CCNT2: variants seen among roughly 807,000 people sequenced by gnomAD.
CCNT2 encodes cyclin-T2.
In CCNT2, 18 loss-of-function variants were observed where a neutral mutation model predicts 70.0. That is an observed-to-expected ratio of 0.26 (90% CI 0.18 to 0.38). CCNT2 has a LOEUF of 0.38. Among genes scored for constraint, CCNT2 ranks in the 10% least tolerant of loss-of-function variants. CCNT2 has a pLI of 1.00. For synonymous variants in CCNT2, 334 were observed against 313.3 expected, an observed-to-expected ratio of 1.07 and a Z score of -0.70; for missense variants, 734 against 890.2, an observed-to-expected ratio of 0.82 and a Z score of 2.23.
At chr2:134,943,483 G>T in intron 5 of CCNT2, 12 of 984,950 alleles carry the variant, frequency 1.2e-5, no homozygotes, top group Non-Finnish European at 1.4e-5. Context: ...TGTATTTTTC[G>T]AGGGTCTTTG....
At chr2:134,943,286 A>G (rs1240480037) in intron 5 of CCNT2, 1 of 387,446 alleles carries the variant, frequency 2.6e-6, no homozygotes, top group Non-Finnish European at 3.5e-6. Context: ...ATGTAGTCTC[A>G]ACTATTCAGG....
At chr2:134,945,736 A>G (rs1376008688) in intron 5 of CCNT2, 6 of 1,295,304 alleles carry the variant, frequency 4.6e-6, no homozygotes, top group Non-Finnish European at 6.0e-6. Flanking sequence ...TGTATTTTGT[A>G]TTAGACTTCA....
intron 5 of CCNT2, chr2:134,944,595 T>C (rs1681812710): frequency 1.0e-6 from 1 of 975,796 alleles, no homozygotes; most frequent in African/African-American, 1.8e-5. Flanking sequence ...AAAACAAATA[T>C]TTAGACCAGA....
At chr2:134,947,328 G>T (rs1017276883) in intron 6 of CCNT2, among the ~76,000 whole-genome samples, 1 of 152,052 alleles carries the variant, frequency 6.6e-6, no homozygotes, top group Non-Finnish European at 1.5e-5. Flanking sequence ...AAATTACTTT[G>T]TCAATTTTAC....
chr2:134,952,235 G>A (rs1282053688), intron 7 of CCNT2, among the ~76,000 whole-genome samples: 2 of 152,038 alleles, frequency 1.3e-5, no homozygotes, highest in Non-Finnish European at 2.9e-5. Flanking sequence ...TACATTTCAT[G>A]GGGAAGATAC....
At position 134,947,527 on chromosome 2, in the gene CCNT2, G is replaced by A. The variant is rs192604950; in HGVS notation, c.540-209G>A. On this transcript the variant is annotated intron_variant, in intron 6 of 8. Coordinates refer to ENST00000264157, the MANE Select transcript of CCNT2 (RefSeq NM_058241.3). ...TATTAATATATTAGTAATATACTCG[G>A]GAGTGAGTGAGGGGAAATGTTCATT... 1.1e-3 allele frequency among the ~76,000 whole-genome samples: 172 copies of A among 152,048 alleles called. 5 individuals are homozygous for A. In the Middle Eastern group the frequency reaches 0.041, roughly 36 times the overall value.
rs1036489970 is a variant in CCNT2, at chr2:134,958,223, TTC to T, written c.*3580_*3581del. 1 of 152,232 alleles carries T rather than the reference TTC, an allele frequency of 6.6e-6. No homozygotes were observed. Among genetic ancestry groups the T allele is most frequent in the Non-Finnish European group, 1.5e-5 (1 of 68,034 alleles). 9.4% of individuals were successfully genotyped at this position (152,232 alleles called of 1,614,324 possible). On this transcript the variant is annotated 3_prime_UTR_variant, in exon 9 of 9. Coordinates refer to ENST00000264157, the MANE Select transcript of CCNT2 (RefSeq NM_058241.3). Reference sequence around the variant, plus strand: ...ACATGGTAACGTCTTAGGAAAACCATTCTCTCAAGGTATTACACCATTTCCAA... The same window carrying T: ...ACATGGTAACGTCTTAGGAAAACCATTCTCAAGGTATTACACCATTTCCAA...
intron 7 of CCNT2, among the ~76,000 whole-genome samples, chr2:134,949,928 G>A (rs1004251130): frequency 6.6e-6 from 1 of 152,012 alleles, no homozygotes; most frequent in Non-Finnish European, 1.5e-5. Context: ...CTGAGTAGCT[G>A]GGATTACAGG....
chr2:134,949,882 G>A (rs937842764), intron 7 of CCNT2, among the ~76,000 whole-genome samples: 2 of 150,896 alleles, frequency 1.3e-5, no homozygotes, highest in African/African-American at 2.4e-5. Flanking sequence ...TGCACCCTCC[G>A]CCTCCCGGGT....
chr2:134,937,308 A>G (rs1246549671), intron 3 of CCNT2, among the ~76,000 whole-genome samples: 1 of 152,186 alleles, frequency 6.6e-6, no homozygotes, highest in Non-Finnish European at 1.5e-5. Flanking sequence ...CCAGAATATA[A>G]ATAACTCCTT....
At chr2:134,929,623 G>GAGAGAGAGAGAGA (rs1553520510) in intron 2 of CCNT2, among the ~76,000 whole-genome samples, 1 of 138,358 alleles carries the variant, frequency 7.2e-6, no homozygotes, top group Non-Finnish European at 1.5e-5. Flanking sequence ...CAGAGAGAGA[G>GAGAGAGAGAGAGA]AGAGAGAGAG....
intron 2 of CCNT2, among the ~76,000 whole-genome samples, chr2:134,925,859 C>CTTTTTT (rs3041372): frequency 5.9e-5 from 5 of 85,264 alleles, no homozygotes; most frequent in Non-Finnish European, 1.1e-4. Context: ...GGATAGCTGC[C>CTTTTTT]TTTTTTTTTT....
chr2:134,943,215 A>G (rs1681696161), intron 5 of CCNT2: 1 of 468,912 alleles, frequency 2.1e-6, no homozygotes, highest in African/African-American at 2.1e-5. Context: ...AGCCTGGGCA[A>G]CATGGTGAAA....
rs764257111 is a variant in CCNT2, at chr2:134,954,558, C to T, written c.2103C>T (p.His701=). The stretch of plus-strand genomic sequence containing the variant: ...AGACCAACGGTCCTGATGCCAATCA[C>T]GAGTACAGTACAAGCAGCCAGCATA... ...PVETNGPDAN[H]EYSTSSQHMD... Residue 701 remains histidine (H), a synonymous_variant, in exon 9 of 9, where the codon CAC becomes CAT. Coordinates refer to ENST00000264157, the MANE Select transcript of CCNT2 (RefSeq NM_058241.3). 20 of 1,613,804 alleles carry T rather than the reference C, an allele frequency of 1.2e-5. No homozygotes were observed. The highest frequency in any genetic ancestry group is 1.6e-5 in the Non-Finnish European group (19 of 1,179,838).
In CCNT2 at chr2:134,954,414, GTA is replaced by G; in HGVS notation, c.1965_1966del (p.Ser656LeufsTer7). 1 of 1,613,916 alleles carries G rather than the reference GTA, an allele frequency of 6.2e-7. No individual in the cohort carries two copies. The highest frequency in any genetic ancestry group is 8.5e-7 in the Non-Finnish European group (1 of 1,179,826). On this transcript the variant is annotated frameshift_variant, in exon 9 of 9. Coordinates refer to ENST00000264157, the MANE Select transcript of CCNT2 (RefSeq NM_058241.3). LOFTEE classifies it high-confidence loss of function. ...SSSSSSSVKQ[Y>X]ISSHNSVFNH... Reference sequence around the variant, plus strand: ...CTAGTTCTTCCTCCTCTGTTAAGCAGTATATATCCTCTCACAACTCTGTTTTT... The same window carrying G: ...CTAGTTCTTCCTCCTCTGTTAAGCAGTATATCCTCTCACAACTCTGTTTTT...
At chr2:134,952,835 A>C in intron 8 of CCNT2, 124 bp downstream of exon 8, 57 of 694,138 alleles carry the variant, frequency 8.2e-5, no homozygotes, top group Non-Finnish European at 1.4e-4. Context: ...AACGTATCTC[A>C]AGTTACATAT....
At chr2:134,921,350 TTAA>T (rs1295936389) in intron 2 of CCNT2, among the ~76,000 whole-genome samples, 1 of 130,556 alleles carries the variant, frequency 7.7e-6, no homozygotes, top group Non-Finnish European at 1.6e-5. Flanking sequence ...CTTTTATTTA[TTAA>T]TTTTTTTTTT....
chr2:134,953,573 C>CTGGTAGCCA lies in CCNT2; in HGVS notation c.1119_1127dup (p.Ser375_Gln376insHisGlySer). The CTGGTAGCCA allele has an allele frequency of 4.3e-6, 7 of 1,614,126 alleles. 1 individual carries two copies. The East Asian group carries it at 1.6e-4, about 36-fold the overall frequency. ...TCACAGAAACAGGAGACATCTTTGT[C>CTGGTAGCCA]TGGTAGCCAGTACAACATCAACTTC... is the stretch of plus-strand genomic sequence containing the variant. On this transcript the variant is annotated inframe_insertion, in exon 9 of 9. Coordinates refer to ENST00000264157, the MANE Select transcript of CCNT2 (RefSeq NM_058241.3).
chr2:134,947,636 A>C, intron 6 of CCNT2, 100 bp from the exon 7 acceptor site: 5 of 767,656 alleles, frequency 6.5e-6, no homozygotes, highest in South Asian at 4.2e-5. Flanking sequence ...ACTTAAAGAT[A>C]GAGTTTAAAT....
Sources: allele counts gnomAD v4.1 joint callset (sites outside exome capture counted in the v4.1 genomes callset), GRCh38; gene constraint gnomAD v4.1.1; transcripts MANE v1.5; gene names NCBI Gene and HGNC (gene_info 2026-07-23, HGNC 2026-07-21).